The following IFT122 variants were observed in gnomAD, a reference collection of about 807,000 sequenced individuals.
IFT122 encodes the protein intraflagellar transport 122.
Under a neutral mutation model 161.6 loss-of-function variants are expected in IFT122, and 118 were observed. That is an observed-to-expected ratio of 0.73 (90% CI 0.63 to 0.85). The LOEUF (loss-of-function observed/expected upper bound fraction) is 0.85, where lower values mean the gene tolerates loss of function less well. IFT122 is among the 40% of genes least tolerant of loss of function. The probability of loss-of-function intolerance (pLI) is 0.00; values close to 1 mark genes in which losing one functional copy is unlikely to be tolerated. For synonymous variants in IFT122, 550 were observed against 602.4 expected, an observed-to-expected ratio of 0.91 and a Z score of 1.27; for missense variants, 1,381 against 1,579.6, an observed-to-expected ratio of 0.87 and a Z score of 2.13.
intron 15 of IFT122, among the ~76,000 whole-genome samples, chr3:129,486,137 C>T (rs1360153080): frequency 6.6e-6 from 1 of 152,214 alleles, no homozygotes; most frequent in East Asian, 1.9e-4. Context: ...TAAAACTCCA[C>T]TCAAATTGTG....
At chr3:129,477,912 C>T (rs2108291551) in intron 11 of IFT122, 104 bp from the exon 12 acceptor site, 1 of 926,886 alleles carries the variant, frequency 1.1e-6, no homozygotes, top group South Asian at 1.4e-5. Context: ...GAGTATCTCA[C>T]TTTAATTGCC....
intron 26 of IFT122, among the ~76,000 whole-genome samples, chr3:129,517,058 C>CAG (rs1560026112): frequency 5.7e-5 from 8 of 141,582 alleles, no homozygotes; most frequent in Admixed American, 2.8e-4. Flanking sequence ...CACACACACA[C>CAG]ACAGACTGCC....
chr3:129,494,081 A>G (rs1199031350), intron 17 of IFT122, among the ~76,000 whole-genome samples: 1 of 152,100 alleles, frequency 6.6e-6, no homozygotes, highest in Non-Finnish European at 1.5e-5. Context: ...TGACGGGGGG[A>G]AAGAACCTGC....
In IFT122 at chr3:129,520,171, C is replaced by G; in HGVS notation, c.3637-5C>G. 1 of 1,610,972 alleles carries G rather than the reference C, an allele frequency of 6.2e-7. No individual in the cohort carries two copies. The highest frequency in any genetic ancestry group is 8.5e-7 in the Non-Finnish European group (1 of 1,179,232). On this transcript the variant is annotated splice_polypyrimidine_tract_variant and splice_region_variant and intron_variant, in intron 29 of 29. Coordinates refer to ENST00000348417, the MANE Select transcript of IFT122 (RefSeq NM_052989.3). The stretch of plus-strand genomic sequence containing the variant: ...CAGCCTGGTCTTACAGCTGTCTTCC[C>G]TTAGATGTTCCATTCTGAGGACTAT...
In IFT122 at chr3:129,465,803, C is replaced by T. The variant is rs536602047; in HGVS notation, c.563+1022C>T. 4.2e-4 allele frequency among the ~76,000 whole-genome samples: 54 copies of T among 130,018 alleles called. 19 individuals are homozygous for T. Among genetic ancestry groups the T allele is most frequent in the South Asian group, 1.3e-3 (5 of 3,796 alleles). 85.3% of individuals were successfully genotyped at this position (130,018 alleles called of 152,430 possible). A position where few individuals can be genotyped will look rare whatever the true frequency, so the allele number is the denominator to read the frequency against. ...GACTACAGGCGCCCGCCACCGCGCC[C>T]GGCTAATTTTTTGTATTTTTAGTAG... On this transcript the variant is annotated intron_variant, in intron 7 of 29. Coordinates refer to ENST00000348417, the MANE Select transcript of IFT122 (RefSeq NM_052989.3).
At chr3:129,467,468 C>T (rs2076930466) in intron 8 of IFT122, among the ~76,000 whole-genome samples, 1 of 152,030 alleles carries the variant, frequency 6.6e-6, no homozygotes, top group South Asian at 2.1e-4. Context: ...CTTCGAAGAA[C>T]ATGATTTTTA....
At chr3:129,472,365 A>G (rs991333711) in intron 9 of IFT122, among the ~76,000 whole-genome samples, 46 of 151,654 alleles carry the variant, frequency 3.0e-4, no homozygotes, top group African/African-American at 9.9e-4. Flanking sequence ...AGGGTCTCCT[A>G]TGTTGTCCAG....
intron 24 of IFT122, 178 bp downstream of exon 24, chr3:129,512,590 G>A: frequency 1.5e-6 from 1 of 647,676 alleles, no homozygotes; most frequent in Non-Finnish European, 2.8e-6. Context: ...GAGGCCCAGG[G>A]GCCCAGGCCA....
At position 129,519,157 on chromosome 3, in the gene IFT122, G is replaced by T. The variant is rs1305357267; in HGVS notation, c.3442G>T (p.Asp1148Tyr). Residue 1148 changes from aspartate (D) to tyrosine (Y), a missense_variant, in exon 28 of 30, where the codon GAC (aspartate) becomes TAC (tyrosine). Physicochemically the swap from Asp to Tyr is radical, Grantham distance 160 (BLOSUM62 -3). Coordinates refer to ENST00000348417, the MANE Select transcript of IFT122 (RefSeq NM_052989.3). ...GACCAAGGACTCCATCGGAGATGAG[G>T]ACCCGTTCACAGCTAAGCTGAGCTT... ...VETKDSIGDE[D>Y]PFTAKLSFEQ... The T allele has an allele frequency of 1.2e-6, 2 of 1,614,128 alleles. No individual in the cohort carries two copies. The highest frequency in any genetic ancestry group is 8.5e-7 in the Non-Finnish European group (1 of 1,180,002).
At chr3:129,502,626 C>T (rs1307995924) in intron 19 of IFT122, 85 bp from the exon 20 acceptor site, 1 of 1,496,556 alleles carries the variant, frequency 6.7e-7, no homozygotes, top group African/African-American at 1.4e-5. Context: ...AGTATCAACA[C>T]TGGGGACCAC....
intron 8 of IFT122, 49 bp downstream of exon 8, chr3:129,467,115 CCA>C (rs2076888117): frequency 6.4e-7 from 1 of 1,558,958 alleles, no homozygotes; most frequent in African/African-American, 1.4e-5. Flanking sequence ...GGCCCAGGCC[CCA>C]CACAGACTTG....
intron 9 of IFT122, among the ~76,000 whole-genome samples, chr3:129,469,900 G>A (rs1411143737): frequency 6.6e-6 from 1 of 152,198 alleles, no homozygotes; most frequent in African/African-American, 2.4e-5. Flanking sequence ...ACAGGCTGGC[G>A]GAGACACACT....
rs749601918 is a variant in IFT122, at chr3:129,517,512, T to G, written c.3309T>G (p.Thr1103=). 1.2e-5 allele frequency: 20 copies of G among 1,613,898 alleles called. No homozygotes were observed. In the African/African-American group the frequency reaches 2.5e-4, roughly 20 times the overall value. ...LVEFYLEEGI[T]DEEAISLIDL... Reference sequence around the variant, plus strand: ...AGTTCTACCTGGAGGAAGGGATCACTGATGAAGAAGCCATCTCCCTCATCG... The same window carrying G: ...AGTTCTACCTGGAGGAAGGGATCACGGATGAAGAAGCCATCTCCCTCATCG... Residue 1103 remains threonine, a synonymous_variant, in exon 27 of 30, where the codon ACT becomes ACG. Transcript: ENST00000348417.
chr3:129,465,629 C>T (rs1192830660), intron 7 of IFT122, among the ~76,000 whole-genome samples: 2 of 149,498 alleles, frequency 1.3e-5, no homozygotes, highest in African/African-American at 4.9e-5. Flanking sequence ...TGCCACCACG[C>T]CTGGCTAATT....
At chr3:129,487,703 C>A in intron 15 of IFT122, 1 of 183,960 alleles carries the variant, frequency 5.4e-6, no homozygotes, top group South Asian at 1.2e-4. Context: ...ATTGTGTCAG[C>A]AAACGTAGAC....
chr3:129,495,311 A>G (rs1356433051), intron 17 of IFT122, 135 bp from the exon 18 acceptor site: 10 of 1,243,124 alleles, frequency 8.0e-6, no homozygotes, highest in East Asian at 2.5e-5. Flanking sequence ...GAGAGAGACA[A>G]CAGCCAGGAG....
rs949851553 is a variant in IFT122 at position 129,456,915 on chromosome 3, C to CA, written c.194-1676dup. ...TGGGCAACAGAGTGAGACTTAGTCT[C>CA]AAAAAAAAGGTACTTTACAGATACT... On this transcript the variant is annotated intron_variant, in intron 3 of 29. Coordinates refer to ENST00000348417, the MANE Select transcript of IFT122 (RefSeq NM_052989.3). Among the ~76,000 whole-genome samples the CA allele has an allele frequency of 3.3e-5, 5 of 151,390 alleles. No homozygotes were observed. In the South Asian group the frequency reaches 6.3e-4, roughly 19 times the overall value.
intron 4 of IFT122, 79 bp from the exon 5 acceptor site, chr3:129,461,149 C>T: frequency 8.3e-7 from 1 of 1,199,120 alleles, no homozygotes; most frequent in African/African-American, 1.5e-5. Context: ...GCTGTGGGCT[C>T]ATTATTAAAA....
chr3:129,452,042 CATT>C, intron 3 of IFT122, 44 bp downstream of exon 3: 2 of 1,342,712 alleles, frequency 1.5e-6, no homozygotes, highest in South Asian at 2.3e-5. Context: ...ATAGCCTCAT[CATT>C]GTTCATTTTT....
Sources: allele counts gnomAD v4.1 joint callset (sites outside exome capture counted in the v4.1 genomes callset), GRCh38; gene constraint gnomAD v4.1.1; transcripts MANE v1.5; gene names NCBI Gene and HGNC (gene_info 2026-07-23, HGNC 2026-07-21).